Variants in CS observed in about 807,000 individuals in gnomAD.
The protein encoded by CS is citrate synthase.
Under a neutral mutation model 61.4 loss-of-function variants are expected in CS, and 13 were observed. The ratio of observed to expected loss-of-function variants is 0.21; its 90% CI spans 0.14 to 0.34. The LOEUF (loss-of-function observed/expected upper bound fraction) is 0.34, where lower values mean the gene tolerates loss of function less well. Among genes scored for constraint, CS ranks in the 10% least tolerant of loss-of-function variants. CS has a pLI of 1.00. For synonymous variants in CS, 159 were observed against 215.2 expected, an observed-to-expected ratio of 0.74 and a Z score of 2.29; for missense variants, 278 against 573.4, an observed-to-expected ratio of 0.48 and a Z score of 5.26.
At chr12:56,275,900 C>A in intron 7 of CS, 96 bp downstream of exon 7, 2 of 1,069,804 alleles carry the variant, frequency 1.9e-6, no homozygotes, top group Non-Finnish European at 1.4e-6. Flanking sequence ...TGCTGCCTAT[C>A]ATCTGTTCTC....
chr12:56,273,308 C>G, intron 10 of CS, 54 bp from the exon 11 acceptor site: 1 of 1,561,158 alleles, frequency 6.4e-7, no homozygotes, highest in East Asian at 2.2e-5. Flanking sequence ...GTGGCATGTA[C>G]AAGTCCTAGG....
At chr12:56,295,456 G>A (rs1044554862) in intron 1 of CS, among the ~76,000 whole-genome samples, 1 of 150,796 alleles carries the variant, frequency 6.6e-6, no homozygotes, top group Non-Finnish European at 1.5e-5. Flanking sequence ...GGGAGGCAGA[G>A]GTTGCAGTGA....
intron 9 of CS, 153 bp downstream of exon 9, chr12:56,274,624 C>G (rs1420480646): frequency 1.6e-6 from 1 of 617,870 alleles, no homozygotes; most frequent in African/African-American, 1.9e-5. Context: ...CCATTGTGCC[C>G]ACCTAGAAAT....
chr12:56,283,003 A>G lies in CS; in HGVS notation c.268-12T>C. 6.2e-7 allele frequency: 1 copy of G among 1,613,676 alleles called. No homozygotes were observed. The highest frequency in any genetic ancestry group is 8.5e-7 in the Non-Finnish European group (1 of 1,179,712). Reference sequence around the variant, plus strand: ...CGGAAACGGATGCCCTTGAGAGAGGAGAGAGAGAATTACAACTCAAGTTTA... The same window carrying G: ...CGGAAACGGATGCCCTTGAGAGAGGGGAGAGAGAATTACAACTCAAGTTTA... On this transcript the variant is annotated splice_polypyrimidine_tract_variant and intron_variant, in intron 4 of 10. Transcript: ENST00000351328.
At chr12:56,295,094 C>CT (rs113506359) in intron 1 of CS, among the ~76,000 whole-genome samples, 489 of 141,502 alleles carry the variant, frequency 3.5e-3, no homozygotes, top group African/African-American at 7.7e-3. Flanking sequence ...ATTTAATGAA[C>CT]TTTTTTTTTT....
intron 1 of CS, among the ~76,000 whole-genome samples, chr12:56,298,150 C>G (rs1014093200): frequency 1.6e-4 from 25 of 152,158 alleles, no homozygotes; most frequent in African/African-American, 5.6e-4. Flanking sequence ...AGGCATGTGC[C>G]ACCATGTCTG....
chr12:56,280,332 G>A (rs1872737383), intron 6 of CS, among the ~76,000 whole-genome samples: 1 of 145,772 alleles, frequency 6.9e-6, no homozygotes, highest in Non-Finnish European at 1.5e-5. Flanking sequence ...GGAGAATTGT[G>A]TGAACCCAGG....
In CS at chr12:56,299,878, CCCTTT is replaced by C. The variant is rs1873425994; in HGVS notation, c.42+277_42+281del. On this transcript the variant is annotated intron_variant, in intron 1 of 10. Transcript: ENST00000351328. ...CTATTTCAGGGCCACGCATCCCTTC[CCCTTT>C]CATTTCAGACATGCGGGGTGACAGC... 5 of 389,700 alleles carry C rather than the reference CCCTTT, an allele frequency of 1.3e-5. No individual in the cohort carries two copies. The South Asian group carries it at 1.3e-4, about 10-fold the overall frequency. 24.1% of individuals were successfully genotyped at this position (389,700 alleles called of 1,614,324 possible). A position where few individuals can be genotyped will look rare whatever the true frequency, so the allele number is the denominator to read the frequency against.
intron 1 of CS, among the ~76,000 whole-genome samples, chr12:56,290,404 G>T (rs1242556948): frequency 6.6e-6 from 1 of 151,568 alleles, no homozygotes; most frequent in African/African-American, 2.4e-5. Flanking sequence ...GTAGAGATGG[G>T]GTTTCACTAT....
chr12:56,283,100 A>G, intron 4 of CS, 109 bp from the exon 5 acceptor site: 1 of 1,253,116 alleles, frequency 8.0e-7, no homozygotes, highest in Non-Finnish European at 1.1e-6. Flanking sequence ...TTTTTATGTT[A>G]ATTATTATTT....
chr12:56,300,107 C>A, intron 1 of CS, 53 bp downstream of exon 1: 2 of 1,523,570 alleles, frequency 1.3e-6, no homozygotes, highest in Non-Finnish European at 1.8e-6. Context: ...GGAGGGCCTG[C>A]GGTCGCCTCA....
chr12:56,288,095 T>C (rs962520275), intron 1 of CS, among the ~76,000 whole-genome samples: 1 of 152,208 alleles, frequency 6.6e-6, no homozygotes, highest in African/African-American at 2.4e-5. Context: ...TCCTGCTCTA[T>C]AAAATGGCTC....
intron 3 of CS, among the ~76,000 whole-genome samples, chr12:56,284,081 G>C (rs1872856238): frequency 1.3e-5 from 2 of 152,096 alleles, no homozygotes; most frequent in South Asian, 4.1e-4. Context: ...AGCACTTTGG[G>C]AAGCCGAGGC....
intron 2 of CS, 34 bp from the exon 3 acceptor site, chr12:56,286,057 C>A: frequency 6.4e-7 from 1 of 1,555,124 alleles, no homozygotes; most frequent in South Asian, 1.1e-5. Flanking sequence ...AAGCAATGGT[C>A]TAAAAGTTTA....
chr12:56,293,927 T>C (rs544373975), intron 1 of CS, among the ~76,000 whole-genome samples: 10 of 152,214 alleles, frequency 6.6e-5, no homozygotes, highest in African/African-American at 2.4e-4. Context: ...AAGGAACAAC[T>C]TGCATTCAGA....
At chr12:56,282,325 T>C in intron 6 of CS, 95 bp downstream of exon 6, 1 of 1,014,156 alleles carries the variant, frequency 9.9e-7, no homozygotes, top group African/African-American at 1.7e-5. Flanking sequence ...AACTCAGAGG[T>C]AATTTTTCTA....
At position 56,279,777 on chromosome 12, in the gene CS, CA is replaced by C. The variant is rs369160772; in HGVS notation, c.588+2642del. On this transcript the variant is annotated intron_variant, in intron 6 of 10. Coordinates refer to ENST00000351328, the MANE Select transcript of CS (RefSeq NM_004077.3). ...CGAGACTCCATCTCAAAAAAAAAAC[CA>C]AAAAAAAACAAAACAAAAGCAAAAA... Among the ~76,000 whole-genome samples the C allele has an allele frequency of 1.9e-4, 27 of 143,162 alleles. No individual in the cohort carries two copies. The East Asian group carries it at 5.3e-3, about 28-fold the overall frequency. The allele number at this position is 143,162 out of a possible 152,430, so 93.9% of individuals were successfully genotyped here.
intron 3 of CS, among the ~76,000 whole-genome samples, chr12:56,285,440 C>T (rs902689508): frequency 6.6e-5 from 10 of 152,108 alleles, no homozygotes; most frequent in African/African-American, 2.4e-4. Flanking sequence ...ATCCCACCAT[C>T]TCTGGCTAAT....
chr12:56,296,180 G>T (rs1247372046), intron 1 of CS, among the ~76,000 whole-genome samples: 1 of 152,014 alleles, frequency 6.6e-6, no homozygotes, highest in African/African-American at 2.4e-5. Flanking sequence ...AATACAGAGG[G>T]CTGGGTGCAG....
Sources: allele counts gnomAD v4.1 joint callset (sites outside exome capture counted in the v4.1 genomes callset), GRCh38; gene constraint gnomAD v4.1.1; transcripts MANE v1.5; gene names NCBI Gene and HGNC (gene_info 2026-07-23, HGNC 2026-07-21).